GRIP1: variants seen among roughly 807,000 people sequenced by gnomAD.
GRIP1 encodes the protein glutamate receptor interacting protein 1.
GRIP1 carries 45 observed loss-of-function variants against 129.9 expected under a neutral mutation model. The ratio of observed to expected loss-of-function variants is 0.35; its 90% CI spans 0.27 to 0.44. The LOEUF is 0.44. Among genes scored for constraint, GRIP1 ranks in the 20% least tolerant of loss-of-function variants. The pLI is 1.00. For synonymous variants in GRIP1, 530 were observed against 520.8 expected (o/e 1.02, Z -0.24); for missense variants, 1,196 against 1,396.8 (o/e 0.86, Z 2.29).
At chr12:66,858,517 CA>C (rs774062239) in intron 1 of GRIP1, among the ~76,000 whole-genome samples, 1 of 151,898 alleles carries the variant, frequency 6.6e-6, no homozygotes, top group Non-Finnish European at 1.5e-5. Flanking sequence ...AACTCTCCCC[CA>C]GATGGAATAC....
intron 1 of GRIP1, among the ~76,000 whole-genome samples, chr12:66,974,673 G>A (rs1482784133): frequency 5.3e-5 from 8 of 152,186 alleles, no homozygotes; most frequent in African/African-American, 1.9e-4. Flanking sequence ...TTAGCAAGGT[G>A]TCTGGTGTAC....
At chr12:66,715,499 A>T (rs1409670785) in intron 1 of GRIP1, among the ~76,000 whole-genome samples, 2 of 150,588 alleles carry the variant, frequency 1.3e-5, no homozygotes, top group African/African-American at 2.4e-5. Context: ...AGAGAGAGAG[A>T]GAGAGAGAGA....
At chr12:66,791,931 A>G (rs1285159694) in intron 1 of GRIP1, among the ~76,000 whole-genome samples, 1 of 152,268 alleles carries the variant, frequency 6.6e-6, no homozygotes, top group Admixed American at 6.5e-5. Context: ...TTGATTTGCC[A>G]TTCCTGAGTT....
intron 1 of GRIP1, among the ~76,000 whole-genome samples, chr12:66,761,466 G>A (rs944691680): frequency 4.6e-5 from 7 of 151,968 alleles, no homozygotes; most frequent in Non-Finnish European, 8.8e-5. Flanking sequence ...CCAATCCTTC[G>A]GAGACCTTCT....
intron 1 of GRIP1, among the ~76,000 whole-genome samples, chr12:66,844,882 T>C (rs938994165): frequency 3.3e-5 from 5 of 152,210 alleles, no homozygotes; most frequent in Non-Finnish European, 5.9e-5. Flanking sequence ...TATCACATGA[T>C]TCCATTTATA....
At chr12:66,767,795 C>T (rs2037691613) in intron 1 of GRIP1, among the ~76,000 whole-genome samples, 1 of 152,166 alleles carries the variant, frequency 6.6e-6, no homozygotes, top group South Asian at 2.1e-4. Flanking sequence ...CCACCATGGA[C>T]ATAACATACA....
chr12:66,722,599 T>C (rs529127960), intron 1 of GRIP1, among the ~76,000 whole-genome samples: 1 of 152,300 alleles, frequency 6.6e-6, no homozygotes, highest in Admixed American at 6.5e-5. Context: ...GGAAAAATGG[T>C]GTTGATAGAT....
chr12:66,809,445 AT>A (rs2039060333), intron 1 of GRIP1, among the ~76,000 whole-genome samples: 1 of 152,190 alleles, frequency 6.6e-6, no homozygotes, highest in Non-Finnish European at 1.5e-5. Flanking sequence ...CGCAATGCCA[AT>A]AATCGCTGCA....
intron 4 of GRIP1, among the ~76,000 whole-genome samples, chr12:66,532,764 T>A (rs1488084795): frequency 6.6e-6 from 1 of 151,218 alleles, no homozygotes; most frequent in Non-Finnish European, 1.5e-5. Flanking sequence ...CCCTCTCTCC[T>A]CCTCCACTTC....
intron 1 of GRIP1, among the ~76,000 whole-genome samples, chr12:66,832,296 A>C: frequency 6.6e-6 from 1 of 152,198 alleles, no homozygotes; most frequent in East Asian, 1.9e-4. Context: ...AGAGATCAAA[A>C]GTCATGAGCA....
chr12:66,684,910 G>A (rs1479817817), intron 1 of GRIP1, among the ~76,000 whole-genome samples: 1 of 152,054 alleles, frequency 6.6e-6, no homozygotes, highest in Non-Finnish European at 1.5e-5. Context: ...TCTCATCCTT[G>A]AGTCCAACAT....
At chr12:66,871,138 A>G (rs1566059286) in intron 1 of GRIP1, among the ~76,000 whole-genome samples, 1 of 151,840 alleles carries the variant, frequency 6.6e-6, no homozygotes, top group African/African-American at 2.4e-5. Flanking sequence ...GAATTGGTGT[A>G]GGTTGGGAAG....
At chr12:66,837,146 CTT>C (rs1228442094) in intron 1 of GRIP1, among the ~76,000 whole-genome samples, 1 of 152,168 alleles carries the variant, frequency 6.6e-6, no homozygotes, top group Non-Finnish European at 1.5e-5. Flanking sequence ...AGTTAGAAGT[CTT>C]TATTTCTCAT....
At chr12:66,739,079 G>A (rs1369161058) in intron 1 of GRIP1, among the ~76,000 whole-genome samples, 1 of 152,096 alleles carries the variant, frequency 6.6e-6, no homozygotes, top group Admixed American at 6.5e-5. Flanking sequence ...GGTCTATAAT[G>A]TGCTCTGGTC....
At chr12:66,379,584 G>T in intron 19 of GRIP1, 148 bp from the exon 20 acceptor site, 3 of 832,526 alleles carry the variant, frequency 3.6e-6, no homozygotes. Context: ...GTGCACCAAA[G>T]ACTTCACCAA....
At chr12:66,512,848 T>C (rs531032263) in intron 7 of GRIP1, among the ~76,000 whole-genome samples, 18 of 152,220 alleles carry the variant, frequency 1.2e-4, no homozygotes, top group South Asian at 2.1e-4. Context: ...GGTAGTAATA[T>C]AAAATAGTGC....
chr12:66,908,515 G>A (rs916744278), intron 1 of GRIP1, among the ~76,000 whole-genome samples: 1 of 152,178 alleles, frequency 6.6e-6, no homozygotes, highest in African/African-American at 2.4e-5. Context: ...GTTTCAGAAT[G>A]GTAATGGGGT....
At chr12:66,372,902 A>G (rs1377175789) in intron 22 of GRIP1, among the ~76,000 whole-genome samples, 1 of 152,166 alleles carries the variant, frequency 6.6e-6, no homozygotes, top group African/African-American at 2.4e-5. Context: ...GCATTGGTAA[A>G]TCTTCCTGAT....
intron 1 of GRIP1, among the ~76,000 whole-genome samples, chr12:66,789,739 T>G (rs1763989500): frequency 6.6e-6 from 1 of 152,138 alleles, no homozygotes; most frequent in South Asian, 2.1e-4. Context: ...ACTTCTCCCT[T>G]GAATATAAAA....
Sources: allele counts gnomAD v4.1 joint callset (sites outside exome capture counted in the v4.1 genomes callset), GRCh38; gene constraint gnomAD v4.1.1; transcripts MANE v1.5; gene names NCBI Gene and HGNC (gene_info 2026-07-23, HGNC 2026-07-21).